L3MBTL4: variants seen among roughly 807,000 people sequenced by gnomAD.
L3MBTL4 encodes L3MBTL histone methyl-lysine binding protein 4, also known as lethal(3)malignant brain tumor-like protein 4.
In L3MBTL4, 70 loss-of-function variants were observed where a neutral mutation model predicts 84.5. That is an observed-to-expected ratio of 0.83 (90% CI 0.68 to 1.01). L3MBTL4 has a LOEUF of 1.01. Ranked by LOEUF, L3MBTL4 falls within the 50% of genes least tolerant of loss-of-function variation. The probability of loss-of-function intolerance (pLI) is 0.00; values close to 1 mark genes in which losing one functional copy is unlikely to be tolerated. For synonymous variants in L3MBTL4, 274 were observed against 259.8 expected (o/e 1.05, Z -0.52); for missense variants, 715 against 754.8 (o/e 0.95, Z 0.62).
intron 17 of L3MBTL4, among the ~76,000 whole-genome samples, chr18:5,966,418 A>G (rs1483628516): frequency 6.6e-6 from 1 of 152,144 alleles, no homozygotes; most frequent in Non-Finnish European, 1.5e-5. Context: ...GCTGCACCGC[A>G]CACTCTGGTT....
chr18:5,996,094 T>C (rs767967315), intron 16 of L3MBTL4, among the ~76,000 whole-genome samples: 34 of 152,382 alleles, frequency 2.2e-4, no homozygotes, highest in Middle Eastern at 3.4e-3. Context: ...GACATCATTC[T>C]ATTTATAGCA....
intron 1 of L3MBTL4, among the ~76,000 whole-genome samples, chr18:6,344,478 A>G (rs556562461): frequency 6.6e-6 from 1 of 152,208 alleles, no homozygotes. Flanking sequence ...ACTAACACCA[A>G]TCCTTCTCAA....
intron 1 of L3MBTL4, among the ~76,000 whole-genome samples, chr18:6,367,033 G>A (rs368366682): frequency 4.3e-4 from 66 of 152,220 alleles, no homozygotes; most frequent in Non-Finnish European, 9.1e-4. Context: ...CCCACAGCAG[G>A]TGCCAGAAGG....
intron 14 of L3MBTL4, among the ~76,000 whole-genome samples, chr18:6,108,808 A>G (rs1439950013): frequency 1.3e-5 from 2 of 152,222 alleles, no homozygotes; most frequent in Non-Finnish European, 2.9e-5. Context: ...ACAATTAAAA[A>G]TAACACAAAA....
At chr18:6,235,992 T>C (rs576580227) in intron 10 of L3MBTL4, among the ~76,000 whole-genome samples, 6 of 152,174 alleles carry the variant, frequency 3.9e-5, no homozygotes, top group Admixed American at 6.6e-5. Context: ...AAGAGAAACT[T>C]AATATTGTGA....
chr18:6,359,239 C>T (rs541559089), intron 1 of L3MBTL4, among the ~76,000 whole-genome samples: 1 of 152,306 alleles, frequency 6.6e-6, no homozygotes, highest in Admixed American at 6.5e-5. Context: ...GTAGACAGAT[C>T]AACTGAGGTC....
chr18:5,975,838 A>G (rs2052897127), intron 16 of L3MBTL4, among the ~76,000 whole-genome samples: 1 of 152,232 alleles, frequency 6.6e-6, no homozygotes, highest in Admixed American at 6.5e-5. Flanking sequence ...ATGCCAAGTC[A>G]TATTGCTCCT....
intron 15 of L3MBTL4, among the ~76,000 whole-genome samples, chr18:6,083,979 A>G (rs1050372324): frequency 3.3e-5 from 5 of 152,152 alleles, no homozygotes; most frequent in Non-Finnish European, 1.5e-5. Context: ...CCCCTTCACA[A>G]GACAATACTA....
At chr18:6,124,959 GGAAAA>G (rs142428861) in intron 14 of L3MBTL4, among the ~76,000 whole-genome samples, 10,136 of 151,946 alleles carry the variant, frequency 0.067, 406 homozygotes, top group Non-Finnish European at 0.092. Flanking sequence ...TACTGAATTA[GGAAAA>G]GAAAAGATAA....
chr18:6,171,385 A>T (rs2043963127), intron 13 of L3MBTL4, among the ~76,000 whole-genome samples: 1 of 152,260 alleles, frequency 6.6e-6, no homozygotes, highest in Non-Finnish European at 1.5e-5. Flanking sequence ...AGTAAAGTAG[A>T]GGATTTTAAA....
intron 3 of L3MBTL4, among the ~76,000 whole-genome samples, chr18:6,309,260 C>G (rs1263067153): frequency 6.6e-6 from 1 of 152,102 alleles, no homozygotes; most frequent in African/African-American, 2.4e-5. Flanking sequence ...TGAATGCAGC[C>G]CCAGGTGTGA....
At chr18:6,267,950 C>T (rs2048705333) in intron 4 of L3MBTL4, among the ~76,000 whole-genome samples, 1 of 152,188 alleles carries the variant, frequency 6.6e-6, no homozygotes, top group Non-Finnish European at 1.5e-5. Flanking sequence ...TCTCTCACCT[C>T]TGTTTCTCAC....
chr18:6,068,120 A>G (rs2057458346), intron 16 of L3MBTL4, among the ~76,000 whole-genome samples: 1 of 152,218 alleles, frequency 6.6e-6, no homozygotes, highest in African/African-American at 2.4e-5. Context: ...CGCTGGTTGC[A>G]GTAACCATGC....
chr18:6,075,665 C>T (rs1424074554), intron 16 of L3MBTL4, among the ~76,000 whole-genome samples: 1 of 152,000 alleles, frequency 6.6e-6, no homozygotes, highest in East Asian at 1.9e-4. Flanking sequence ...AACTGATAGA[C>T]TATATTAAAA....
chr18:6,385,069 A>C (rs1438351716), intron 1 of L3MBTL4, among the ~76,000 whole-genome samples: 1 of 152,180 alleles, frequency 6.6e-6, no homozygotes, highest in African/African-American at 2.4e-5. Flanking sequence ...AGTTCAAAGC[A>C]AAATATCTCA....
At chr18:6,247,173 A>T (rs936779648) in intron 5 of L3MBTL4, among the ~76,000 whole-genome samples, 2 of 152,134 alleles carry the variant, frequency 1.3e-5, no homozygotes, top group Non-Finnish European at 2.9e-5. Flanking sequence ...TTTCCCTAAG[A>T]ATAGAACATT....
intron 1 of L3MBTL4, among the ~76,000 whole-genome samples, chr18:6,312,755 TATTTA>T (rs2050899072): frequency 6.6e-6 from 1 of 152,244 alleles, no homozygotes; most frequent in Non-Finnish European, 1.5e-5. Flanking sequence ...GTTTTGTTGA[TATTTA>T]ATTTACTAAA....
chr18:6,070,841 AAAT>A (rs898424791), intron 16 of L3MBTL4, among the ~76,000 whole-genome samples: 3 of 152,056 alleles, frequency 2.0e-5, no homozygotes, highest in African/African-American at 7.2e-5. Flanking sequence ...CTGTCTAAAA[AAAT>A]AATAATAACT....
chr18:5,965,473 C>T (rs2052304795), intron 17 of L3MBTL4, among the ~76,000 whole-genome samples: 1 of 152,144 alleles, frequency 6.6e-6, no homozygotes, highest in African/African-American at 2.4e-5. Context: ...GGCTCCTCTC[C>T]GAAACACCCA....
Sources: gnomAD v4.1 joint callset for allele counts (sites outside exome capture counted in the v4.1 genomes callset) on GRCh38, gnomAD v4.1.1 for gene constraint, MANE v1.5 for transcripts, NCBI Gene and HGNC (gene_info 2026-07-23, HGNC 2026-07-21) for gene names.